Variants in PCDHGB2 observed in about 807,000 individuals in gnomAD.
PCDHGB2 encodes the protein protocadherin gamma subfamily B, 2.
Under a neutral mutation model 59.3 loss-of-function variants are expected in PCDHGB2, and 55 were observed. The ratio of observed to expected loss-of-function variants is 0.93; its 90% CI spans 0.75 to 1.16. PCDHGB2 has a LOEUF of 1.16. Among genes scored for constraint, PCDHGB2 ranks in the 50% most tolerant of loss-of-function variants. The pLI is 0.00. For missense variants in PCDHGB2, 1,228 were observed against 1,198.5 expected (o/e 1.02, Z -0.36); for synonymous variants, 516 against 512.0 (o/e 1.01, Z -0.11).
chr5:141,415,102 A>G, intron 1 of PCDHGB2: 2 of 1,613,550 alleles, frequency 1.2e-6, no homozygotes, highest in Non-Finnish European at 8.5e-7. Flanking sequence ...AGACGCGCTC[A>G]AGCAAAGCCT....
At chr5:141,399,174 T>C (rs2093763814) in intron 1 of PCDHGB2, 1 of 1,613,700 alleles carries the variant, frequency 6.2e-7, no homozygotes, top group Admixed American at 1.7e-5. Context: ...ATTCTCTACT[T>C]GAAATGATTC....
intron 1 of PCDHGB2, among the ~76,000 whole-genome samples, chr5:141,468,047 G>A (rs901583535): frequency 2.0e-5 from 3 of 152,050 alleles, no homozygotes; most frequent in Non-Finnish European, 2.9e-5. Context: ...AAACTAAGCC[G>A]GGCACAGTGG....
At position 141,485,398 on chromosome 5, in the gene PCDHGB2, C is replaced by T. The variant is rs906016330; in HGVS notation, c.2422-9409C>T. The T allele has an allele frequency of 1.3e-5, 21 of 1,614,044 alleles. No individual in the cohort carries two copies. The highest frequency in any genetic ancestry group is 1.8e-5 in the Non-Finnish European group (21 of 1,179,928). On this transcript the variant is annotated intron_variant, in intron 1 of 3. Coordinates refer to ENST00000522605, the MANE Select transcript of PCDHGB2 (RefSeq NM_018923.3). This position sits in a 1 kb window ranked among gnomAD's most constrained non-coding sequence, Gnocchi z 5.7. ...CTGGAGAGGTGAACCAAAGACACTT[C>T]CGTGTGGATTTGGACAGCGGAGCCC...
Position 141,486,862 on chromosome 5 carries a change from A to G in PCDHGB2, c.2422-7945A>G. The G allele has an allele frequency of 6.2e-7, 1 of 1,614,256 alleles. No individual in the cohort carries two copies. The highest frequency in any genetic ancestry group is 1.3e-5 in the African/African-American group (1 of 75,078). On this transcript the variant is annotated intron_variant, in intron 1 of 3. Transcript: ENST00000522605. This position sits in a 1 kb window ranked among gnomAD's most constrained non-coding sequence, Gnocchi z 5.0. Reference sequence around the variant, plus strand: ...TGCTGGACCTCAATGACAATGCTCCAGCTGTGCTCCGTCCTCGGGCCCGGC... The same window carrying G: ...TGCTGGACCTCAATGACAATGCTCCGGCTGTGCTCCGTCCTCGGGCCCGGC...
At chr5:141,388,552 G>C in intron 1 of PCDHGB2, 1 of 1,613,814 alleles carries the variant, frequency 6.2e-7, no homozygotes, top group Non-Finnish European at 8.5e-7. Flanking sequence ...CCACCCCTAA[G>C]CAGCACTGCA....
intron 1 of PCDHGB2, chr5:141,421,961 A>G: frequency 6.2e-7 from 1 of 1,612,542 alleles, no homozygotes; most frequent in Non-Finnish European, 8.5e-7. Context: ...ATGTTTACAC[A>G]GTCCGTATAT....
Position 141,361,855 on chromosome 5 carries a change from C to G in PCDHGB2, c.1720C>G (p.Leu574Val). 1 of 1,612,444 alleles carries G rather than the reference C, an allele frequency of 6.2e-7. No individual in the cohort carries two copies. The highest frequency in any genetic ancestry group is 1.3e-5 in the African/African-American group (1 of 75,030). Residue 574 changes from leucine (L) to valine (V), a missense_variant, in exon 1 of 4, where the codon CTC (leucine) becomes GTC (valine). Leu to Val is a conservative substitution (Grantham distance 32, BLOSUM62 1). This residue lies in a region of PCDHGB2 where 14 missense variants were observed against 35.2 expected (regional missense o/e 0.40). Coordinates refer to ENST00000522605, the MANE Select transcript of PCDHGB2 (RefSeq NM_018923.3). ...YPALGPDGSA[L>V]FDMVPRAAEP... ...CGCGCTGGGGCCTGATGGCTCCGCC[C>G]TCTTCGATATGGTGCCACGCGCCGC...
intron 1 of PCDHGB2, chr5:141,415,176 C>T: frequency 6.2e-7 from 1 of 1,613,934 alleles, no homozygotes; most frequent in Non-Finnish European, 8.5e-7. Context: ...TCACCGTGGC[C>T]GTGGCCGACA....
intron 1 of PCDHGB2, chr5:141,400,133 C>G: frequency 3.7e-6 from 6 of 1,614,066 alleles, no homozygotes; most frequent in Non-Finnish European, 5.1e-6. Flanking sequence ...GAGGTGCTGC[C>G]GGATATCACT....
chr5:141,403,671 C>T (rs1322750068), intron 1 of PCDHGB2: 3 of 1,613,786 alleles, frequency 1.9e-6, no homozygotes, highest in African/African-American at 1.3e-5. Flanking sequence ...GATAATGCCC[C>T]GGTTTTTGCT....
chr5:141,505,591 G>C (rs2099846959), intron 3 of PCDHGB2, 110 bp downstream of exon 3: 2 of 1,570,280 alleles, frequency 1.3e-6, no homozygotes, highest in African/African-American at 2.7e-5. Flanking sequence ...AGTTTCTCCA[G>C]ATCTTTCGGC....
chr5:141,493,141 C>T lies in PCDHGB2; in HGVS notation c.2422-1666C>T, dbSNP rs1327581425. On this transcript the variant is annotated intron_variant, in intron 1 of 3. Coordinates refer to ENST00000522605, the MANE Select transcript of PCDHGB2 (RefSeq NM_018923.3). This position sits in a 1 kb window ranked among gnomAD's most constrained non-coding sequence, Gnocchi z 4.3. ...CTCCTAGGACTGTATTTTGAAACAC[C>T]CCCAGGTGATTTTGATAGCTGATTG... Among the ~76,000 whole-genome samples the T allele has an allele frequency of 1.4e-5, 2 of 146,284 alleles. No homozygotes were observed. Among genetic ancestry groups the T allele is most frequent in the East Asian group, 2.0e-4 (1 of 5,022 alleles).
chr5:141,360,602 C>G lies in PCDHGB2; in HGVS notation c.467C>G (p.Pro156Arg). ...TKPGTTFPLD[P>R]ALDSDVGPNS... ...CCAGGTACAACATTTCCACTTGACC[C>G]AGCCCTGGATTCAGATGTTGGTCCT... Residue 156 changes from proline to arginine, a missense_variant, in exon 1 of 4, where the codon CCA becomes CGA. Transcript: ENST00000522605. The G allele has an allele frequency of 1.2e-6, 2 of 1,613,964 alleles. No individual in the cohort carries two copies. The highest frequency in any genetic ancestry group is 1.7e-6 in the Non-Finnish European group (2 of 1,179,882).
chr5:141,476,741 A>G lies in PCDHGB2; in HGVS notation c.2422-18066A>G, dbSNP rs1430298222. On this transcript the variant is annotated intron_variant, in intron 1 of 3. Transcript: ENST00000522605. The surrounding 1 kb of genome is among the most constrained non-coding windows in gnomAD (Gnocchi z 7.6). ...CGCCCTGGACCGAGAACGGGAGCCT[A>G]GTCTCCAGTTAGTGCTGACGGCGTT... The G allele has an allele frequency of 6.2e-7, 1 of 1,613,936 alleles. No individual in the cohort carries two copies. Among genetic ancestry groups the G allele is most frequent in the Non-Finnish European group, 8.5e-7 (1 of 1,180,032 alleles).
chr5:141,409,953 CCGG>C (rs1418234891), intron 1 of PCDHGB2: 2 of 1,613,280 alleles, frequency 1.2e-6, no homozygotes, highest in Non-Finnish European at 1.7e-6. Flanking sequence ...TCTGCAGAGC[CCGG>C]CTACCTAGTG....
chr5:141,478,801 T>G (rs2099477985), intron 1 of PCDHGB2: 1 of 1,463,438 alleles, frequency 6.8e-7, no homozygotes, highest in African/African-American at 1.4e-5. Flanking sequence ...TCAGCACTCT[T>G]TTGCTATCAC....
chr5:141,365,823 G>A lies in PCDHGB2; in HGVS notation c.2421+3267G>A, dbSNP rs778220021. The stretch of plus-strand genomic sequence containing the variant: ...TCCCTGGCTGAAGACACATTTCAGG[G>A]GGCGCCCTTGTCCTCCTATGTATCC... On this transcript the variant is annotated intron_variant, in intron 1 of 3. Coordinates refer to ENST00000522605, the MANE Select transcript of PCDHGB2 (RefSeq NM_018923.3). 8.7e-6 allele frequency: 14 copies of A among 1,613,794 alleles called. No individual in the cohort carries two copies. The South Asian group carries it at 1.2e-4, about 14-fold the overall frequency.
chr5:141,399,944 A>C, intron 1 of PCDHGB2: 1 of 1,612,254 alleles, frequency 6.2e-7, no homozygotes, highest in Non-Finnish European at 8.5e-7. Context: ...CACGTGCTGC[A>C]GGCTAGCGAG....
Position 141,491,208 on chromosome 5 carries a change from C to A in PCDHGB2, c.2422-3599C>A. ...TGAGGGACAATGGTGACCCTTCACT[C>A]TCCTCCACAGCCACAGTGCTGCTGG... On this transcript the variant is annotated intron_variant, in intron 1 of 3. Coordinates refer to ENST00000522605, the MANE Select transcript of PCDHGB2 (RefSeq NM_018923.3). The surrounding 1 kb of genome is among the most constrained non-coding windows in gnomAD (Gnocchi z 6.9). The A allele has an allele frequency of 6.2e-7, 1 of 1,614,204 alleles. No homozygotes were observed. Among genetic ancestry groups the A allele is most frequent in the African/African-American group, 1.3e-5 (1 of 75,058 alleles).
Sources: allele counts gnomAD v4.1 joint callset (sites outside exome capture counted in the v4.1 genomes callset), GRCh38; gene constraint gnomAD v4.1.1; regional missense constraint gnomAD v4.1.1; non-coding constraint Gnocchi (gnomAD v3.1); transcripts MANE v1.5; gene names NCBI Gene and HGNC (gene_info 2026-07-23, HGNC 2026-07-21).